Variants in TNS1 observed in about 807,000 individuals in gnomAD.
TNS1 encodes tensin-1.
A neutral mutation model predicts 168.6 loss-of-function variants in TNS1; 62 were observed. The ratio of observed to expected loss-of-function variants is 0.37; its 90% CI spans 0.30 to 0.45. TNS1 has a LOEUF of 0.45. TNS1 is among the 20% of genes least tolerant of loss of function. The probability of loss-of-function intolerance (pLI) is 1.00; values close to 1 mark genes in which losing one functional copy is unlikely to be tolerated. For synonymous variants in TNS1, 934 were observed against 933.2 expected (o/e 1.00, Z -0.02); for missense variants, 2,240 against 2,339.4 (o/e 0.96, Z 0.88).
intron 3 of TNS1, among the ~76,000 whole-genome samples, chr2:217,934,067 A>G (rs1956470518): frequency 6.6e-6 from 1 of 152,228 alleles, no homozygotes; most frequent in East Asian, 1.9e-4. Flanking sequence ...CTCTTTTCAC[A>G]TATGAGGCTA....
intron 18 of TNS1, among the ~76,000 whole-genome samples, chr2:217,874,898 G>A (rs1174748361): frequency 6.6e-6 from 1 of 152,138 alleles, no homozygotes; most frequent in Non-Finnish European, 1.5e-5. Flanking sequence ...ATAAACAATA[G>A]AGCTTAGAAC....
intron 8 of TNS1, among the ~76,000 whole-genome samples, chr2:217,895,735 C>G (rs1486079018): frequency 6.6e-6 from 1 of 152,160 alleles, no homozygotes; most frequent in East Asian, 1.9e-4. Context: ...CACTGGAATC[C>G]TAAGGAATTC....
chr2:217,964,023 C>T (rs1248307169), intron 3 of TNS1, among the ~76,000 whole-genome samples: 1 of 152,064 alleles, frequency 6.6e-6, no homozygotes, highest in East Asian at 1.9e-4. Context: ...CGTAAGACAG[C>T]TACTGAGAGC....
chr2:217,919,674 C>T (rs1955518151), intron 4 of TNS1, among the ~76,000 whole-genome samples: 2 of 152,218 alleles, frequency 1.3e-5, no homozygotes, highest in Admixed American at 6.5e-5. Flanking sequence ...GGCTATGGTG[C>T]AAGGCTGATT....
intron 32 of TNS1, among the ~76,000 whole-genome samples, 184 bp from the exon 33 acceptor site, chr2:217,804,787 A>G (rs1574515978): frequency 6.6e-6 from 1 of 152,162 alleles, no homozygotes; most frequent in African/African-American, 2.4e-5. Flanking sequence ...CCTGACCACA[A>G]GCCAAGTCCT....
At chr2:217,844,798 T>C (rs1196813911) in intron 19 of TNS1, among the ~76,000 whole-genome samples, 2 of 152,238 alleles carry the variant, frequency 1.3e-5, no homozygotes, top group African/African-American at 2.4e-5. Flanking sequence ...CCAACATGTA[T>C]TGAAATCTCC....
intron 3 of TNS1, among the ~76,000 whole-genome samples, chr2:217,924,024 C>G (rs944421582): frequency 6.6e-6 from 1 of 152,232 alleles, no homozygotes; most frequent in African/African-American, 2.4e-5. Flanking sequence ...CCAGCCCAGG[C>G]AGGGAACTCC....
rs1406798204 is a variant in TNS1 at position 217,848,239 on chromosome 2, G to T, written c.2278C>A (p.Arg760=). 6.4e-7 allele frequency: 1 copy of T among 1,570,726 alleles called. No homozygotes were observed. The highest frequency in any genetic ancestry group is 2.2e-5 in the East Asian group (1 of 44,574). Residue 760 remains arginine, a synonymous_variant, in exon 19 of 33, where the codon CGA becomes AGA. Coordinates refer to ENST00000682258, the MANE Select transcript of TNS1 (RefSeq NM_001387777.1). Reference sequence around the variant, plus strand: ...ACAGCCTCCCGGCTGCTTCCCCCTCGGACCGGAGCTGGGGGCAGCTGGGGT... The same window carrying T: ...ACAGCCTCCCGGCTGCTTCCCCCTCTGACCGGAGCTGGGGGCAGCTGGGGT... The part of the protein sequence containing the change: ...AEPQLPPAPV[R]GGSSREAVQR...
chr2:217,838,774 C>T (rs902116870), intron 19 of TNS1, among the ~76,000 whole-genome samples: 5 of 152,280 alleles, frequency 3.3e-5, no homozygotes, highest in East Asian at 1.9e-4. Flanking sequence ...GGGAGACTGG[C>T]GTGGCAGAGG....
intron 18 of TNS1, among the ~76,000 whole-genome samples, chr2:217,876,422 G>C (rs569840323): frequency 6.6e-6 from 1 of 152,290 alleles, no homozygotes; most frequent in South Asian, 2.1e-4. Flanking sequence ...GCACTGAGCC[G>C]GCAGGCTCCA....
chr2:217,809,074 G>A (rs554938008), intron 30 of TNS1, among the ~76,000 whole-genome samples: 1 of 152,300 alleles, frequency 6.6e-6, no homozygotes, highest in East Asian at 1.9e-4. Context: ...TCTCATAGAA[G>A]GATGGATGAA....
intron 4 of TNS1, among the ~76,000 whole-genome samples, chr2:217,913,820 A>G (rs1954696396): frequency 6.6e-6 from 1 of 152,014 alleles, no homozygotes; most frequent in African/African-American, 2.4e-5. Context: ...GCTCAGGCCC[A>G]CCAGGCCTGT....
intron 32 of TNS1, among the ~76,000 whole-genome samples, chr2:217,805,495 CCA>C (rs1938478959): frequency 7.3e-5 from 1 of 13,628 alleles, no homozygotes; most frequent in African/African-American, 2.7e-4. Context: ...CACACACACA[CCA>C]CACACACCAC....
At position 217,890,956 on chromosome 2, in the gene TNS1, A is replaced by G; in HGVS notation, c.866+6T>C. On this transcript the variant is annotated splice_donor_region_variant and intron_variant, in intron 12 of 32. Coordinates refer to ENST00000682258, the MANE Select transcript of TNS1 (RefSeq NM_001387777.1). The stretch of plus-strand genomic sequence containing the variant: ...ATGCAAGGGGCTGTGAGCCCCAGAG[A>G]CCCACCTTCTTTGGGATGGCTGGCC... The G allele has an allele frequency of 6.2e-7, 1 of 1,614,062 alleles. No individual in the cohort carries two copies. Among genetic ancestry groups the G allele is most frequent in the African/African-American group, 1.3e-5 (1 of 75,038 alleles).
At chr2:217,978,173 C>T (rs1252436051) in intron 3 of TNS1, among the ~76,000 whole-genome samples, 3 of 152,170 alleles carry the variant, frequency 2.0e-5, no homozygotes, top group Admixed American at 1.3e-4. Flanking sequence ...CCCATCAAGA[C>T]CAGCCAGAAA....
At chr2:217,881,328 G>T in intron 17 of TNS1, 1 of 279,290 alleles carries the variant, frequency 3.6e-6, no homozygotes, top group Non-Finnish European at 6.7e-6. Flanking sequence ...TTTTTCTTCT[G>T]TGTCCCTGGG....
rs543743570 is a variant in TNS1 at position 217,978,678 on chromosome 2, G to C, written c.186+87C>G. 57 of 588,982 alleles carry C rather than the reference G, an allele frequency of 9.7e-5. No individual in the cohort carries two copies. In the Middle Eastern group the frequency reaches 2.5e-3, roughly 26 times the overall value. The allele number at this position is 588,982 out of a possible 1,614,324, so 36.5% of individuals were successfully genotyped here. On this transcript the variant is annotated intron_variant, in intron 3 of 32. Coordinates refer to ENST00000682258, the MANE Select transcript of TNS1 (RefSeq NM_001387777.1). ...GAGGGACGCCCCGGGCACCGCCCCC[G>C]CCCCGCCGGCGCCCCCGCTCCAATC...
At chr2:217,872,736 T>C (rs1342139408) in intron 18 of TNS1, among the ~76,000 whole-genome samples, 1 of 152,196 alleles carries the variant, frequency 6.6e-6, no homozygotes, top group Non-Finnish European at 1.5e-5. Context: ...AACTTGCACA[T>C]ACATGTTGAC....
At chr2:217,823,163 A>G (rs1220877114) in intron 22 of TNS1, among the ~76,000 whole-genome samples, 2 of 152,118 alleles carry the variant, frequency 1.3e-5, no homozygotes, top group Non-Finnish European at 2.9e-5. Flanking sequence ...AGATCCCCTA[A>G]CCAGGGCCAG....
Sources: allele counts gnomAD v4.1 joint callset (sites outside exome capture counted in the v4.1 genomes callset), GRCh38; gene constraint gnomAD v4.1.1; transcripts MANE v1.5; gene names NCBI Gene and HGNC (gene_info 2026-07-23, HGNC 2026-07-21).